CHST15: variants seen among roughly 807,000 people sequenced by gnomAD.
The protein encoded by CHST15 is B cell RAG associated protein (GALNAC4S-6ST).
CHST15 carries 30 observed loss-of-function variants against 53.6 expected under a neutral mutation model. The ratio of observed to expected loss-of-function variants is 0.56; its 90% confidence interval spans 0.42 to 0.76. The LOEUF (loss-of-function observed/expected upper bound fraction) is 0.76. Among genes scored for constraint, CHST15 ranks in the 30% least tolerant of loss-of-function variants. The pLI, the probability that CHST15 is intolerant of heterozygous loss-of-function variation, is 0.00. For synonymous variants in CHST15, 296 were observed against 289.8 expected (o/e 1.02, Z -0.22); for missense variants, 627 against 740.5 (o/e 0.85, Z 1.78).
chr10:124,024,439 A>G lies in CHST15; in HGVS notation c.1191-3027T>C, dbSNP rs1946916364. 6.6e-6 allele frequency among the ~76,000 whole-genome samples: 1 copy of G among 152,142 alleles called. No individual in the cohort carries two copies. Among genetic ancestry groups the G allele is most frequent in the African/African-American group, 2.4e-5 (1 of 41,430 alleles). Reference sequence around the variant, plus strand: ...TGAGCAGTTTGAGATCTACCCACAGAGTTCCTAGAATCAAAACACCCACCG... The same window carrying G: ...TGAGCAGTTTGAGATCTACCCACAGGGTTCCTAGAATCAAAACACCCACCG... On this transcript the variant is annotated intron_variant, in intron 5 of 7. Transcript: ENST00000435907. The surrounding 1 kb of genome is among the most constrained non-coding windows in gnomAD (Gnocchi z 4.0).
At chr10:124,011,715 G>A in intron 7 of CHST15, 1 of 985,416 alleles carries the variant, frequency 1.0e-6, no homozygotes, top group Non-Finnish European at 1.2e-6. Flanking sequence ...CCCTGGGGGG[G>A]CTGGTATCCA....
chr10:124,065,077 G>A (rs146802499), intron 1 of CHST15, among the ~76,000 whole-genome samples: 20 of 152,312 alleles, frequency 1.3e-4, no homozygotes, highest in African/African-American at 4.8e-4. Flanking sequence ...TACATGTTGG[G>A]GGCGGGGGTT....
chr10:124,025,368 A>G (rs147369981), intron 5 of CHST15, among the ~76,000 whole-genome samples: 2 of 152,286 alleles, frequency 1.3e-5, no homozygotes, highest in African/African-American at 4.8e-5. Context: ...AGCCTTTGAG[A>G]GCCAGGCCAC....
In CHST15 at chr10:124,045,112, CAAAAAAAAAAAAAAA is replaced by C. The variant is rs758243657; in HGVS notation, c.547-208_547-194del. 9.3e-3 allele frequency among the ~76,000 whole-genome samples: 315 copies of C among 33,800 alleles called. 2 individuals carry two copies. Among genetic ancestry groups the C allele is most frequent in the African/African-American group, 0.022 (289 of 13,294 alleles). 22.2% of individuals were successfully genotyped at this position (33,800 alleles called of 152,430 possible). On this transcript the variant is annotated intron_variant, in intron 2 of 7. Coordinates refer to ENST00000435907, the MANE Select transcript of CHST15 (RefSeq NM_001270764.2). ...TGCTTTCCTCTCCCCCGCCGCCCCA[CAAAAAAAAAAAAAAA>C]AAAAAAAAAAAAAAAAACTTGGAGA...
intron 1 of CHST15, among the ~76,000 whole-genome samples, chr10:124,051,123 A>C (rs1288552291): frequency 6.6e-6 from 1 of 151,940 alleles, no homozygotes; most frequent in African/African-American, 2.4e-5. Flanking sequence ...TTGCATTTTT[A>C]ATAGAGACGG....
intron 6 of CHST15, chr10:124,020,793 G>C: frequency 8.9e-7 from 1 of 1,124,294 alleles, no homozygotes; most frequent in Non-Finnish European, 1.1e-6. Context: ...AAGAACAAGA[G>C]ATACGATTGA....
At chr10:124,062,355 C>T (rs532303615) in intron 1 of CHST15, among the ~76,000 whole-genome samples, 19 of 152,224 alleles carry the variant, frequency 1.2e-4, no homozygotes, top group Non-Finnish European at 2.2e-4. Flanking sequence ...AGAAACATGG[C>T]GGGGAGGAAA....
intron 1 of CHST15, among the ~76,000 whole-genome samples, chr10:124,087,389 G>C (rs1215894792): frequency 6.6e-6 from 1 of 152,170 alleles, no homozygotes; most frequent in Non-Finnish European, 1.5e-5. Context: ...CGGCAGGGGC[G>C]TATTCTGTTT....
At chr10:124,049,253 C>T (rs1241635827) in intron 1 of CHST15, among the ~76,000 whole-genome samples, 1 of 152,206 alleles carries the variant, frequency 6.6e-6, no homozygotes, top group Non-Finnish European at 1.5e-5. Context: ...TATTTGGTCT[C>T]TATCCTCGGG....
chr10:124,046,312 C>A lies in CHST15; in HGVS notation c.-100G>T. On this transcript the variant is annotated 5_prime_UTR_variant, in exon 2 of 8. The change creates a new upstream start codon in the 5' untranslated region. Transcript: ENST00000435907. ...TCGTGCTAGAAAACCTTAAGAATGCCTTGTGATCACAGAAGATGGATGGAA... is the reference window on the plus strand; with the variant it reads ...TCGTGCTAGAAAACCTTAAGAATGCATTGTGATCACAGAAGATGGATGGAA... 9.0e-7 allele frequency: 1 copy of A among 1,109,736 alleles called. No homozygotes were observed. The highest frequency in any genetic ancestry group is 1.3e-6 in the Non-Finnish European group (1 of 785,296). 68.7% of individuals were successfully genotyped at this position (1,109,736 alleles called of 1,614,324 possible).
intron 6 of CHST15, chr10:124,020,265 T>G: frequency 2.0e-6 from 2 of 985,532 alleles, no homozygotes; most frequent in Non-Finnish European, 2.4e-6. Context: ...CTGAGACAAC[T>G]GCCTAGAGTC....
chr10:124,011,668 A>G lies in CHST15; in HGVS notation c.1495+665T>C, dbSNP rs1031314693. ...GCCTCTGCCAGCCATCACCATAGTCAGCAGTGTGGCCTGTCACCACAAAGT... is the reference window on the plus strand; with the variant it reads ...GCCTCTGCCAGCCATCACCATAGTCGGCAGTGTGGCCTGTCACCACAAAGT... On this transcript the variant is annotated intron_variant, in intron 7 of 7. Coordinates refer to ENST00000435907, the MANE Select transcript of CHST15 (RefSeq NM_001270764.2). 3.8e-5 allele frequency: 37 copies of G among 985,316 alleles called. No individual in the cohort carries two copies. In the African/African-American group the frequency reaches 6.3e-4, roughly 17 times the overall value. The allele number at this position is 985,316 out of a possible 1,614,324, so 61.0% of individuals were successfully genotyped here.
intron 3 of CHST15, among the ~76,000 whole-genome samples, chr10:124,042,858 G>A (rs956154846): frequency 1.3e-5 from 2 of 152,080 alleles, no homozygotes; most frequent in East Asian, 1.9e-4. Flanking sequence ...AGAGAGGACC[G>A]AGGGCTGCCC....
intron 1 of CHST15, among the ~76,000 whole-genome samples, chr10:124,091,923 G>A (rs1305379841): frequency 6.6e-6 from 1 of 151,964 alleles, no homozygotes; most frequent in Admixed American, 6.5e-5. Flanking sequence ...CGGGCGCAGG[G>A]CGGGCGGGAA....
At chr10:124,045,364 C>G (rs1947955588) in intron 2 of CHST15, among the ~76,000 whole-genome samples, 1 of 152,170 alleles carries the variant, frequency 6.6e-6, no homozygotes. Context: ...GCAAAAGCAA[C>G]TGTTAACTAC....
chr10:124,032,843 A>G (rs529541770), intron 5 of CHST15, among the ~76,000 whole-genome samples: 4 of 150,488 alleles, frequency 2.7e-5, no homozygotes, highest in Admixed American at 2.6e-4. Flanking sequence ...TTGCCACTTG[A>G]CTCCTTCTCT....
chr10:124,047,443 G>C (rs940583839), intron 1 of CHST15, among the ~76,000 whole-genome samples: 7 of 152,088 alleles, frequency 4.6e-5, no homozygotes, highest in African/African-American at 1.7e-4. Context: ...TCATCATCTC[G>C]AGCAAGATAT....
intron 5 of CHST15, among the ~76,000 whole-genome samples, chr10:124,030,505 G>A (rs1321422431): frequency 6.6e-6 from 1 of 152,170 alleles, no homozygotes; most frequent in Non-Finnish European, 1.5e-5. Context: ...GTGAGAAAGA[G>A]AAATCGATCC....
At chr10:124,016,641 G>A (rs1229101620) in intron 6 of CHST15, among the ~76,000 whole-genome samples, 2 of 152,124 alleles carry the variant, frequency 1.3e-5, no homozygotes, top group African/African-American at 2.4e-5. Context: ...AGTGTCAAAC[G>A]CCAGCAGACC....
Sources: gnomAD v4.1 joint callset for allele counts (sites outside exome capture counted in the v4.1 genomes callset) on GRCh38, gnomAD v4.1.1 for gene constraint, Gnocchi (gnomAD v3.1) non-coding constraint, MANE v1.5 for transcripts, NCBI Gene and HGNC (gene_info 2026-07-23, HGNC 2026-07-21) for gene names.